The following CDK5RAP2 variants were observed in gnomAD, a reference collection of about 807,000 sequenced individuals.
CDK5RAP2 encodes CDK5 regulatory subunit-associated protein 2.
A neutral mutation model predicts 232.9 loss-of-function variants in CDK5RAP2; 147 were observed. The ratio of observed to expected loss-of-function variants is 0.63; its 90% CI spans 0.55 to 0.72. CDK5RAP2 has a LOEUF of 0.72. CDK5RAP2 is among the 30% of genes least tolerant of loss of function. The pLI, the probability that CDK5RAP2 is intolerant of heterozygous loss-of-function variation, is 0.00. For synonymous variants in CDK5RAP2, 833 were observed against 833.7 expected, an observed-to-expected ratio of 1.00 and a Z score of 0.01; for missense variants, 2,195 against 2,231.5, an observed-to-expected ratio of 0.98 and a Z score of 0.33.
In CDK5RAP2 at chr9:120,439,649, T is replaced by G; in HGVS notation, c.3472A>C (p.Ser1158Arg). ...CGTEGAQDGL[S>R]KPKNGSDGEE... is the part of the protein sequence containing the mutation. ...CCATCAGAACCATTCTTGGGCTTGC[T>G]CAAGCCATCCTGGGCCCCTTCTGTC... Residue 1158 changes from serine (S) to arginine (R), a missense_variant, in exon 24 of 38, where the codon AGC becomes CGC. By Grantham distance (110) the Ser-to-Arg change is moderately radical (BLOSUM62 -1). Transcript: ENST00000349780. The G allele has an allele frequency of 3.1e-6, 5 of 1,614,222 alleles. No homozygotes were observed. The highest frequency in any genetic ancestry group is 4.2e-6 in the Non-Finnish European group (5 of 1,180,040).
chr9:120,436,832 C>T (rs2035609866), intron 25 of CDK5RAP2, among the ~76,000 whole-genome samples: 1 of 152,090 alleles, frequency 6.6e-6, no homozygotes, highest in Non-Finnish European at 1.5e-5. Flanking sequence ...CTTCCTCTGG[C>T]CATCCTTAAC....
chr9:120,523,906 G>C (rs574264120), intron 11 of CDK5RAP2, among the ~76,000 whole-genome samples: 29 of 152,264 alleles, frequency 1.9e-4, no homozygotes, highest in South Asian at 1.2e-3. Context: ...TACAACATTG[G>C]GGGACGGAGG....
chr9:120,563,073 C>T lies in CDK5RAP2; in HGVS notation c.195+5248G>A, dbSNP rs569643698. ...AAGAGTCATGGTGGGAGAGACAGGG[C>T]GCTGAGTACTTGCTAGAAGACAGAA... On this transcript the variant is annotated intron_variant, in intron 3 of 37. Coordinates refer to ENST00000349780, the MANE Select transcript of CDK5RAP2 (RefSeq NM_018249.6). Among the ~76,000 whole-genome samples, 28 of 152,148 alleles carry T rather than the reference C, an allele frequency of 1.8e-4. 1 individual carries two copies. In the South Asian group the frequency reaches 2.5e-3, roughly 14 times the overall value.
chr9:120,465,012 T>C (rs1003012352), intron 18 of CDK5RAP2, among the ~76,000 whole-genome samples: 1 of 152,236 alleles, frequency 6.6e-6, no homozygotes, highest in African/African-American at 2.4e-5. Context: ...CTATTTCTTG[T>C]CAACATGACA....
intron 37 of CDK5RAP2, 112 bp from the exon 38 acceptor site, chr9:120,389,404 A>G: frequency 2.4e-6 from 2 of 821,340 alleles, no homozygotes; most frequent in Non-Finnish European, 4.1e-6. Context: ...TTTCAAAAAC[A>G]TAGTTTGGTC....
At chr9:120,436,526 T>C (rs2150957) in intron 25 of CDK5RAP2, among the ~76,000 whole-genome samples, 2 of 152,224 alleles carry the variant, frequency 1.3e-5, no homozygotes, top group South Asian at 2.1e-4. Context: ...AGACAACACC[T>C]TTTCTGATTG....
rs952597713 is a variant in CDK5RAP2 at position 120,521,100 on chromosome 9, C to A, written c.1093-2455G>T. 2.0e-5 allele frequency among the ~76,000 whole-genome samples: 3 copies of A among 152,078 alleles called. No homozygotes were observed. In the South Asian group the frequency reaches 6.2e-4, roughly 31 times the overall value. On this transcript the variant is annotated intron_variant, in intron 11 of 37. Coordinates refer to ENST00000349780, the MANE Select transcript of CDK5RAP2 (RefSeq NM_018249.6). ...TACTCCATTATCTTTCATTCCCAATCAAAAAATAACAGAGGTTCCACAAAC... is the reference window on the plus strand; with the variant it reads ...TACTCCATTATCTTTCATTCCCAATAAAAAAATAACAGAGGTTCCACAAAC...
intron 15 of CDK5RAP2, among the ~76,000 whole-genome samples, chr9:120,476,442 G>T (rs942886397): frequency 6.6e-6 from 1 of 152,060 alleles, no homozygotes; most frequent in South Asian, 2.1e-4. Flanking sequence ...CACTTTGGGA[G>T]GCGGAGGTGG....
chr9:120,440,272 C>T, intron 23 of CDK5RAP2: 5 of 418,792 alleles, frequency 1.2e-5, no homozygotes, highest in Non-Finnish European at 1.8e-5. Context: ...TAAAATTCAT[C>T]GACATTCCCA....
chr9:120,435,752 T>C (rs1469890432), intron 25 of CDK5RAP2, among the ~76,000 whole-genome samples: 1 of 152,200 alleles, frequency 6.6e-6, no homozygotes, highest in African/African-American at 2.4e-5. Context: ...GACAATATAA[T>C]ATGAATGTCA....
intron 22 of CDK5RAP2, among the ~76,000 whole-genome samples, chr9:120,444,180 G>A (rs1017086489): frequency 2.0e-5 from 3 of 152,356 alleles, no homozygotes; most frequent in South Asian, 2.1e-4. Flanking sequence ...TCGGGAGGCC[G>A]AGGCAGGGGG....
At chr9:120,394,441 C>T in intron 36 of CDK5RAP2, 71 bp downstream of exon 36, 1 of 1,610,982 alleles carries the variant, frequency 6.2e-7, no homozygotes, top group Non-Finnish European at 8.5e-7. Flanking sequence ...AGTGGGTAAT[C>T]CAGGGCAGAA....
chr9:120,418,298 T>C (rs1197625254), intron 27 of CDK5RAP2, among the ~76,000 whole-genome samples: 3 of 152,012 alleles, frequency 2.0e-5, no homozygotes, highest in African/African-American at 4.8e-5. Flanking sequence ...AGGTTCTACA[T>C]TAGAAATAGA....
In CDK5RAP2 at chr9:120,403,983, G is replaced by A; in HGVS notation, c.5041+53C>T. ...ACCCCCCTTTTCTGCAAGTTAAAAA[G>A]TCTTACTGTCACATCCAATGCTCCC... On this transcript the variant is annotated intron_variant, in intron 33 of 37. Transcript: ENST00000349780. The surrounding 1 kb of genome is among the most constrained non-coding windows in gnomAD (Gnocchi z 4.2). 2 of 1,245,360 alleles carry A rather than the reference G, an allele frequency of 1.6e-6. No homozygotes were observed. Among genetic ancestry groups the A allele is most frequent in the Non-Finnish European group, 2.4e-6 (2 of 843,482 alleles). The allele number at this position is 1,245,360 out of a possible 1,614,324, so 77.1% of individuals were successfully genotyped here. A position where few individuals can be genotyped will look rare whatever the true frequency, so the allele number is the denominator to read the frequency against.
chr9:120,501,257 C>A (rs2039562462), intron 12 of CDK5RAP2, among the ~76,000 whole-genome samples: 1 of 152,214 alleles, frequency 6.6e-6, no homozygotes, highest in Admixed American at 6.5e-5. Context: ...CTGGAAAGTT[C>A]TCCAGGTTGC....
intron 3 of CDK5RAP2, among the ~76,000 whole-genome samples, chr9:120,566,178 A>G (rs1298112716): frequency 6.6e-6 from 1 of 152,178 alleles, no homozygotes; most frequent in African/African-American, 2.4e-5. Context: ...CATTTCCTAT[A>G]AGCATCCCAC....
intron 21 of CDK5RAP2, among the ~76,000 whole-genome samples, chr9:120,450,529 T>C (rs1468242989): frequency 6.6e-6 from 1 of 152,152 alleles, no homozygotes; most frequent in African/African-American, 2.4e-5. Flanking sequence ...TCAATAAGGC[T>C]GTGTTTTTTT....
At position 120,409,251 on chromosome 9, in the gene CDK5RAP2, G is replaced by C; in HGVS notation, c.4480C>G (p.Leu1494Val). The change falls in exon 30 of 38, where the codon CTT becomes GTT. Residue 1494 changes from leucine to valine, a missense_variant. Transcript: ENST00000349780. ...LSRKTVSLEHLQREYASVKEE... is the reference protein window; with the variant it reads ...LSRKTVSLEHVQREYASVKEE... ...TTCACGCTGGCATACTCCCGCTGAA[G>C]GTGCTCCAGGCTCACGGTCTTCCTG... 1.2e-6 allele frequency: 2 copies of C among 1,613,924 alleles called. No homozygotes were observed. Among genetic ancestry groups the C allele is most frequent in the Non-Finnish European group, 1.7e-6 (2 of 1,179,936 alleles).
At chr9:120,476,419 C>T (rs1239444078) in intron 15 of CDK5RAP2, among the ~76,000 whole-genome samples, 2 of 148,336 alleles carry the variant, frequency 1.3e-5, no homozygotes, top group Non-Finnish European at 3.0e-5. Context: ...GTGACCAACA[C>T]TTGTAATCCC....
Sources: gnomAD v4.1 joint callset for allele counts (sites outside exome capture counted in the v4.1 genomes callset) on GRCh38, gnomAD v4.1.1 for gene constraint, Gnocchi (gnomAD v3.1) non-coding constraint, MANE v1.5 for transcripts, NCBI Gene and HGNC (gene_info 2026-07-23, HGNC 2026-07-21) for gene names.